The following INTS2 variants were observed in gnomAD, a reference collection of about 807,000 sequenced individuals.
The protein encoded by INTS2 is KIAA1287.
Under a neutral mutation model 139.6 loss-of-function variants are expected in INTS2, and 57 were observed. That is an observed-to-expected ratio of 0.41 (90% CI 0.33 to 0.51). INTS2 has a LOEUF of 0.51. Ranked by LOEUF, INTS2 falls within the 20% of genes least tolerant of loss-of-function variation. The pLI, the probability that INTS2 is intolerant of heterozygous loss-of-function variation, is 0.28. For synonymous variants in INTS2, 473 were observed against 493.4 expected, an observed-to-expected ratio of 0.96 and a Z score of 0.55; for missense variants, 1,196 against 1,436.7, an observed-to-expected ratio of 0.83 and a Z score of 2.71.
intron 17 of INTS2, among the ~76,000 whole-genome samples, chr17:61,879,200 G>A (rs146317840): frequency 1.3e-5 from 2 of 150,402 alleles, no homozygotes; most frequent in Non-Finnish European, 2.9e-5. Flanking sequence ...GATAACAGGC[G>A]TGAGTCACTG....
chr17:61,875,131 G>A lies in INTS2; in HGVS notation c.2457-93C>T, dbSNP rs1392316190. 3 of 892,318 alleles carry A rather than the reference G, an allele frequency of 3.4e-6. No homozygotes were observed. Among genetic ancestry groups the A allele is most frequent in the African/African-American group, 1.7e-5 (1 of 57,432 alleles). The allele number at this position is 892,318 out of a possible 1,614,324, so 55.3% of individuals were successfully genotyped here. ...TTTCTATCTTAGAAAGTTATATTCAGTAAATAATTAGAAAATACATATGAA... is the reference window on the plus strand; with the variant it reads ...TTTCTATCTTAGAAAGTTATATTCAATAAATAATTAGAAAATACATATGAA... On this transcript the variant is annotated intron_variant, in intron 18 of 24. Transcript: ENST00000251334. This position sits in a 1 kb window ranked among gnomAD's most constrained non-coding sequence, Gnocchi z 4.6.
intron 9 of INTS2, among the ~76,000 whole-genome samples, chr17:61,899,764 T>C (rs1237343206): frequency 6.6e-6 from 1 of 151,654 alleles, no homozygotes; most frequent in Non-Finnish European, 1.5e-5. Flanking sequence ...ATTTAAAAAT[T>C]AGACAGGCAT....
At chr17:61,889,080 A>G (rs2079261983) in intron 15 of INTS2, among the ~76,000 whole-genome samples, 1 of 150,288 alleles carries the variant, frequency 6.7e-6, no homozygotes, top group African/African-American at 2.4e-5. Flanking sequence ...AAAAAAAAAG[A>G]AACTCTTCTA....
rs770611031 is a variant in INTS2, at chr17:61,869,059, G to C, written c.3219C>G (p.Val1073=). 1 of 1,609,322 alleles carries C rather than the reference G, an allele frequency of 6.2e-7. No homozygotes were observed. Among genetic ancestry groups the C allele is most frequent in the Non-Finnish European group, 8.5e-7 (1 of 1,176,204 alleles). The change falls in exon 23 of 25, where the codon GTC becomes GTG. Residue 1073 remains valine, a synonymous_variant. Transcript: ENST00000251334. The surrounding 1 kb of genome is among the most constrained non-coding windows in gnomAD (Gnocchi z 5.4). ...PKSLSVARLA[V]NVMGTLLTVL... Reference sequence around the variant, plus strand: ...CTGTTAACAAAGTTCCCATGACATTGACAGCTAAACGAGCCACACTAAGTG... The same window carrying C: ...CTGTTAACAAAGTTCCCATGACATTCACAGCTAAACGAGCCACACTAAGTG...
intron 16 of INTS2, among the ~76,000 whole-genome samples, chr17:61,884,237 T>C (rs542562179): frequency 1.1e-4 from 17 of 152,224 alleles, no homozygotes; most frequent in Non-Finnish European, 1.6e-4. Context: ...ACTCCTGTAA[T>C]TCCAGCACTT....
rs374231506 is a variant in INTS2, at chr17:61,893,928, T to A, written c.1564-29A>T. On this transcript the variant is annotated intron_variant, in intron 12 of 24. Transcript: ENST00000251334. The surrounding 1 kb of genome is among the most constrained non-coding windows in gnomAD (Gnocchi z 5.4). ...AAAGGGAAAAATAGCATTAGTAATA[T>A]AATAGAACTAAATATAAAATTATTT... is the stretch of plus-strand genomic sequence containing the variant. 3 of 1,457,030 alleles carry A rather than the reference T, an allele frequency of 2.1e-6. No homozygotes were observed. The highest frequency in any genetic ancestry group is 2.8e-5 in the African/African-American group (2 of 70,800). 90.3% of individuals were successfully genotyped at this position (1,457,030 alleles called of 1,614,324 possible).
chr17:61,878,939 A>AC (rs2079150742), intron 17 of INTS2, among the ~76,000 whole-genome samples: 1 of 150,240 alleles, frequency 6.7e-6, no homozygotes, highest in African/African-American at 2.5e-5. Context: ...TCCAAAAAAA[A>AC]AAAAAAAAAA....
chr17:61,881,724 G>A (rs1276535992), intron 16 of INTS2, among the ~76,000 whole-genome samples: 1 of 152,206 alleles, frequency 6.6e-6, no homozygotes, highest in Non-Finnish European at 1.5e-5. Context: ...CTAGGAATGT[G>A]CACTTCTTGT....
At chr17:61,887,756 A>G (rs2079243989) in intron 15 of INTS2, among the ~76,000 whole-genome samples, 1 of 152,106 alleles carries the variant, frequency 6.6e-6, no homozygotes, top group African/African-American at 2.4e-5. Flanking sequence ...GTCAAAACAT[A>G]AAAAAGAAAA....
intron 17 of INTS2, 37 bp from the exon 18 acceptor site, chr17:61,878,125 G>A (rs1027885419): frequency 1.5e-6 from 2 of 1,301,054 alleles, no homozygotes; most frequent in Non-Finnish European, 1.1e-6. Flanking sequence ...CCTAAATTCT[G>A]TACAGTTTAT....
At chr17:61,899,772 C>T (rs1344455237) in intron 9 of INTS2, among the ~76,000 whole-genome samples, 2 of 151,712 alleles carry the variant, frequency 1.3e-5, no homozygotes, top group African/African-American at 4.8e-5. Context: ...ATTAGACAGG[C>T]ATGGTGGCGC....
At chr17:61,889,108 G>C (rs1293432411) in intron 15 of INTS2, among the ~76,000 whole-genome samples, 2 of 139,868 alleles carry the variant, frequency 1.4e-5, no homozygotes, top group Non-Finnish European at 3.1e-5. Flanking sequence ...TTTTTTTTGA[G>C]ACACAGTCTC....
intron 3 of INTS2, among the ~76,000 whole-genome samples, chr17:61,923,806 C>A (rs545450808): frequency 1.3e-5 from 2 of 152,062 alleles, no homozygotes; most frequent in Admixed American, 1.3e-4. Flanking sequence ...GCATGCACCA[C>A]CACTCCTGGC....
intron 11 of INTS2, among the ~76,000 whole-genome samples, chr17:61,895,870 G>A (rs1386287470): frequency 6.6e-6 from 1 of 151,834 alleles, no homozygotes; most frequent in African/African-American, 2.4e-5. Flanking sequence ...AAAACTAGAA[G>A]AAAATATAAG....
At chr17:61,886,169 G>C (rs368933494) in intron 15 of INTS2, among the ~76,000 whole-genome samples, 1 of 152,032 alleles carries the variant, frequency 6.6e-6, no homozygotes, top group East Asian at 1.9e-4. Context: ...TTGTGCCTCA[G>C]CCTCCCAAGT....
At position 61,920,120 on chromosome 17, in the gene INTS2, A is replaced by G. The variant is rs79359202; in HGVS notation, c.536-607T>C. 2.3e-3 allele frequency among the ~76,000 whole-genome samples: 348 copies of G among 152,228 alleles called. 10 individuals are homozygous for G. In the East Asian group the frequency reaches 0.06, roughly 26 times the overall value. On this transcript the variant is annotated intron_variant, in intron 4 of 24. Transcript: ENST00000251334. The stretch of plus-strand genomic sequence containing the variant: ...ACTGGACAGCATAGCATAGAACAGT[A>G]CAGGAAATTTTATTTTATAGAACTG...
In INTS2 at chr17:61,909,627, A is replaced by G. The variant is rs1296494548; in HGVS notation, c.954+1893T>C. ...TCGCTTATGTCCATGTGTACACATGATTAGCACCCACTCATAATTGAGAAT... is the reference window on the plus strand; with the variant it reads ...TCGCTTATGTCCATGTGTACACATGGTTAGCACCCACTCATAATTGAGAAT... On this transcript the variant is annotated intron_variant, in intron 7 of 24. Transcript: ENST00000251334. This position sits in a 1 kb window ranked among gnomAD's most constrained non-coding sequence, Gnocchi z 4.9. Among the ~76,000 whole-genome samples the G allele has an allele frequency of 2.0e-5, 3 of 151,994 alleles. No homozygotes were observed. The highest frequency in any genetic ancestry group is 7.3e-5 in the African/African-American group (3 of 41,372).
In INTS2 at chr17:61,907,490, A is replaced by C; in HGVS notation, c.1099T>G (p.Ser367Ala). ...VDMEPNVSVY[S>A]GLKEEHVVKA... The stretch of plus-strand genomic sequence containing the variant: ...ACAACATGCTCTTCTTTCAGCCCCG[A>C]ATACACAGACACATTGGGCTCCATA... Residue 367 changes from serine to alanine, a missense_variant, in exon 8 of 25, where the codon TCG (serine) becomes GCG (alanine). Around this residue, in one of 3 missense-constraint regions of INTS2, gnomAD observed 1,129 missense variants for 1,341.9 expected, o/e 0.84. Coordinates refer to ENST00000251334, the MANE Select transcript of INTS2 (RefSeq NM_001351695.2). 1 of 1,603,182 alleles carries C rather than the reference A, an allele frequency of 6.2e-7. No individual in the cohort carries two copies. Among genetic ancestry groups the C allele is most frequent in the Non-Finnish European group, 8.5e-7 (1 of 1,175,108 alleles).
At chr17:61,919,907 CA>C (rs1325784954) in intron 4 of INTS2, among the ~76,000 whole-genome samples, 4 of 152,082 alleles carry the variant, frequency 2.6e-5, no homozygotes, top group Admixed American at 6.6e-5. Context: ...AATGACATTT[CA>C]TTGTATTATT....
Sources: gnomAD v4.1 joint callset for allele counts (sites outside exome capture counted in the v4.1 genomes callset) on GRCh38, gnomAD v4.1.1 for gene constraint, gnomAD v4.1.1 regional missense constraint, Gnocchi (gnomAD v3.1) non-coding constraint, MANE v1.5 for transcripts, NCBI Gene and HGNC (gene_info 2026-07-23, HGNC 2026-07-21) for gene names.